LRSAM1: variants seen among roughly 807,000 people sequenced by gnomAD.
LRSAM1 encodes E3 ubiquitin-protein ligase LRSAM1.
A neutral mutation model predicts 118.1 loss-of-function variants in LRSAM1; 96 were observed. The observed-to-expected ratio is 0.81, with a 90% CI of 0.69 to 0.96. The LOEUF (loss-of-function observed/expected upper bound fraction) is 0.96, where lower values mean the gene tolerates loss of function less well. Among genes scored for constraint, LRSAM1 ranks in the 40% least tolerant of loss-of-function variants. The pLI is 0.00. For synonymous variants in LRSAM1, 322 were observed against 364.2 expected (o/e 0.88, Z 1.32); for missense variants, 804 against 915.5 (o/e 0.88, Z 1.57).
chr9:127,459,575 A>G (rs917475175), intron 7 of LRSAM1, among the ~76,000 whole-genome samples: 1 of 142,914 alleles, frequency 7.0e-6, no homozygotes, highest in Non-Finnish European at 1.5e-5. Flanking sequence ...TTGTATGTGT[A>G]TTTTTTTTTT....
chr9:127,482,963 C>G lies in LRSAM1; in HGVS notation c.1102C>G (p.Gln368Glu), dbSNP rs776814240. 5 of 1,561,634 alleles carry G rather than the reference C, an allele frequency of 3.2e-6. No homozygotes were observed. The highest frequency in any genetic ancestry group is 1.2e-5 in the South Asian group (1 of 84,774). ...SLENERIRMEQLMSITQEETE... is the reference protein window; with the variant it reads ...SLENERIRMEELMSITQEETE... The stretch of plus-strand genomic sequence containing the variant: ...ATTTTTTTCTAGAATAAGAATGGAA[C>G]AGTTGATGTCCATAACCCAGGAGGA... Residue 368 changes from glutamine to glutamate, a missense_variant, in exon 16 of 26, where the codon CAG becomes GAG. Transcript: ENST00000300417.
Position 127,481,245 on chromosome 9 carries a change from G to A in LRSAM1, c.1088+18G>A. 1 of 1,612,058 alleles carries A rather than the reference G, an allele frequency of 6.2e-7. No homozygotes were observed. Among genetic ancestry groups the A allele is most frequent in the Non-Finnish European group, 8.5e-7 (1 of 1,179,708 alleles). ...AATGAAAGGTAAGTGTTCTTCCAGG[G>A]GAGGGCAGCATTTTTTTTTTTTTTT... On this transcript the variant is annotated intron_variant, in intron 15 of 25. Transcript: ENST00000300417.
In LRSAM1 at chr9:127,489,496, T is replaced by C. The variant is rs777372780; in HGVS notation, c.1400T>C (p.Met467Thr). Reference sequence around the variant, plus strand: ...GCACTCCAGGTGAAGAAAGACCTGATGCATCGGCAGATCAGGAGCCAGGTG... The same window carrying C: ...GCACTCCAGGTGAAGAAAGACCTGACGCATCGGCAGATCAGGAGCCAGGTG... ...FEALQVKKDL[M>T]HRQIRSQIKL... Residue 467 changes from methionine to threonine, a missense_variant, in exon 19 of 26, where the codon ATG becomes ACG. Coordinates refer to ENST00000300417, the MANE Select transcript of LRSAM1 (RefSeq NM_001005373.4). The C allele has an allele frequency of 2.5e-6, 4 of 1,609,706 alleles. No individual in the cohort carries two copies. The highest frequency in any genetic ancestry group is 1.3e-5 in the African/African-American group (1 of 75,042).
intron 4 of LRSAM1, 56 bp downstream of exon 4, chr9:127,455,110 T>C: frequency 6.4e-7 from 1 of 1,565,684 alleles, no homozygotes; most frequent in Non-Finnish European, 8.8e-7. Flanking sequence ...TTCTTGGATC[T>C]TGTGTCCCTA....
intron 14 of LRSAM1, 101 bp downstream of exon 14, chr9:127,480,079 C>T (rs2132064946): frequency 6.6e-7 from 1 of 1,505,454 alleles, no homozygotes; most frequent in African/African-American, 1.4e-5. Flanking sequence ...TCTGCCCCTG[C>T]CCCGGGCTTC....
At chr9:127,458,226 CA>C (rs1273514560) in intron 6 of LRSAM1, among the ~76,000 whole-genome samples, 1 of 151,666 alleles carries the variant, frequency 6.6e-6, no homozygotes, top group African/African-American at 2.4e-5. Context: ...ACTAAAAATA[CA>C]AAAAATTAGC....
At chr9:127,469,329 G>C (rs1835077044) in intron 10 of LRSAM1, among the ~76,000 whole-genome samples, 1 of 152,108 alleles carries the variant, frequency 6.6e-6, no homozygotes, top group African/African-American at 2.4e-5. Flanking sequence ...AACTAACTGG[G>C]CATGGTGGCA....
chr9:127,494,842 A>G (rs1189854370), intron 21 of LRSAM1, among the ~76,000 whole-genome samples: 2 of 152,156 alleles, frequency 1.3e-5, no homozygotes, highest in East Asian at 3.9e-4. Context: ...CTACTCGGGC[A>G]CTCCAGCCTG....
chr9:127,462,440 A>C, intron 9 of LRSAM1, 67 bp downstream of exon 9: 1 of 1,609,972 alleles, frequency 6.2e-7, no homozygotes, highest in East Asian at 2.2e-5. Flanking sequence ...CTCCCACATT[A>C]CTGAGTGCTT....
At chr9:127,495,450 G>A (rs1406666607) in intron 22 of LRSAM1, 32 bp downstream of exon 22, 5 of 1,597,524 alleles carry the variant, frequency 3.1e-6, no homozygotes, top group Non-Finnish European at 4.3e-6. Context: ...CCCGGCCAGG[G>A]AGCCCTGGGG....
chr9:127,500,358 CAAAA>C (rs563842364), intron 24 of LRSAM1, among the ~76,000 whole-genome samples: 5 of 93,560 alleles, frequency 5.3e-5, no homozygotes, highest in South Asian at 3.6e-4. Flanking sequence ...GAGACTGTCT[CAAAA>C]AAAAAAAAAA....
chr9:127,472,796 G>T (rs1835221574), intron 10 of LRSAM1, among the ~76,000 whole-genome samples: 1 of 152,104 alleles, frequency 6.6e-6, no homozygotes, highest in Non-Finnish European at 1.5e-5. Context: ...CCCTTAAACT[G>T]GTCACAGGAT....
chr9:127,497,335 G>T lies in LRSAM1; in HGVS notation c.1912+1G>T. 6.2e-7 allele frequency: 1 copy of T among 1,611,824 alleles called. No homozygotes were observed. The highest frequency in any genetic ancestry group is 8.5e-7 in the Non-Finnish European group (1 of 1,179,816). ...CTGGATGCAGCCAGGATCCAGCCAGGTACAAGCACAGCTCCAGCCTCTTCC... is the reference window on the plus strand; with the variant it reads ...CTGGATGCAGCCAGGATCCAGCCAGTTACAAGCACAGCTCCAGCCTCTTCC... On this transcript the variant is annotated splice_donor_variant, in intron 24 of 25. Coordinates refer to ENST00000300417, the MANE Select transcript of LRSAM1 (RefSeq NM_001005373.4). LOFTEE classifies it high-confidence loss of function.
At chr9:127,484,128 G>A (rs567748792) in intron 16 of LRSAM1, among the ~76,000 whole-genome samples, 56 of 151,828 alleles carry the variant, frequency 3.7e-4, no homozygotes, top group African/African-American at 1.3e-3. Flanking sequence ...TACTTTCTGT[G>A]TGTGGATTTG....
At chr9:127,455,199 T>C in intron 4 of LRSAM1, 145 bp downstream of exon 4, 1 of 896,180 alleles carries the variant, frequency 1.1e-6, no homozygotes, top group Admixed American at 1.8e-5. Context: ...TTTGTTCTCG[T>C]CCAAAATAAT....
intron 21 of LRSAM1, 38 bp from the exon 22 acceptor site, chr9:127,495,282 C>T (rs746042227): frequency 6.3e-7 from 1 of 1,588,056 alleles, no homozygotes; most frequent in Admixed American, 1.7e-5. Context: ...GTTTTATTAC[C>T]ATTTTGTGAC....
At chr9:127,464,267 C>T (rs1834850950) in intron 9 of LRSAM1, among the ~76,000 whole-genome samples, 1 of 152,246 alleles carries the variant, frequency 6.6e-6, no homozygotes, top group Admixed American at 6.5e-5. Context: ...GTCCTCTCTG[C>T]TGCCTACTGG....
At chr9:127,487,818 C>A in intron 18 of LRSAM1, 55 bp downstream of exon 18, 1 of 1,509,368 alleles carries the variant, frequency 6.6e-7, no homozygotes, top group Non-Finnish European at 9.1e-7. Context: ...GTTCAGGAGC[C>A]AGGGCAGAGT....
In LRSAM1 at chr9:127,462,362, C is replaced by A; in HGVS notation, c.517C>A (p.Arg173=). Residue 173 remains arginine, a synonymous_variant, in exon 9 of 26, where the codon CGA becomes AGA. Coordinates refer to ENST00000300417, the MANE Select transcript of LRSAM1 (RefSeq NM_001005373.4). Reference sequence around the variant, plus strand: ...ATTGCCGCAGATGCTGGCTCACGTTCGAACCCTGGAGGTAAATGGGAAGCT... The same window carrying A: ...ATTGCCGCAGATGCTGGCTCACGTTAGAACCCTGGAGGTAAATGGGAAGCT... ...QRLPQMLAHV[R]TLEMLSLDAS... The A allele has an allele frequency of 6.2e-7, 1 of 1,613,938 alleles. No homozygotes were observed.
Sources: allele counts gnomAD v4.1 joint callset (sites outside exome capture counted in the v4.1 genomes callset), GRCh38; gene constraint gnomAD v4.1.1; transcripts MANE v1.5; gene names NCBI Gene and HGNC (gene_info 2026-07-23, HGNC 2026-07-21).